Variants in LYPLA1 observed in about 807,000 individuals in gnomAD.
LYPLA1 encodes acyl-protein thioesterase 1.
In LYPLA1, 17 loss-of-function variants were observed where a neutral mutation model predicts 34.0. That is an observed-to-expected ratio of 0.50 (90% CI 0.34 to 0.75). The LOEUF (loss-of-function observed/expected upper bound fraction) is 0.75. LYPLA1 is among the 30% of genes least tolerant of loss of function. The pLI is 0.01. For missense variants in LYPLA1, 203 were observed against 288.8 expected (o/e 0.70, Z 2.15); for synonymous variants, 98 against 100.8 (o/e 0.97, Z 0.17).
intron 3 of LYPLA1, among the ~76,000 whole-genome samples, 196 bp downstream of exon 3, chr8:54,065,552 C>T (rs564750208): frequency 1.7e-5 from 2 of 121,096 alleles, no homozygotes; most frequent in South Asian, 2.8e-4. Flanking sequence ...AATTGCTTAA[C>T]GAAAGAGAAA....
rs760476706 is a variant in LYPLA1 at position 54,084,141 on chromosome 8, A to AATATATATATATATATATATAT, written c.101+16745_101+16766dup. Among the ~76,000 whole-genome samples, 5 of 118,602 alleles carry AATATATATATATATATATATAT rather than the reference A, an allele frequency of 4.2e-5. No individual in the cohort carries two copies. In the South Asian group the frequency reaches 7.4e-4, roughly 18 times the overall value. 77.8% of individuals were successfully genotyped at this position (118,602 alleles called of 152,430 possible). A position where few individuals can be genotyped will look rare whatever the true frequency, so the allele number is the denominator to read the frequency against. On this transcript the variant is annotated intron_variant, in intron 2 of 8. Coordinates refer to ENST00000316963, the MANE Select transcript of LYPLA1 (RefSeq NM_006330.4). Reference sequence around the variant, plus strand: ...AGACCAAAGAAAAAAAAAATAAATAAATATATATATATATATATATATAAA... The same window carrying AATATATATATATATATATATAT: ...AGACCAAAGAAAAAAAAAATAAATAAATATATATATATATATATATATATATATATATATATATATATATAAA...
chr8:54,068,110 T>C (rs1404501576), intron 2 of LYPLA1, among the ~76,000 whole-genome samples: 9 of 152,198 alleles, frequency 5.9e-5, no homozygotes, highest in Non-Finnish European at 1.0e-4. Flanking sequence ...ACATTAACTA[T>C]AACCAGGATA....
At position 54,086,555 on chromosome 8, in the gene LYPLA1, CAAA is replaced by C. The variant is rs1220626412; in HGVS notation, c.101+14350_101+14352del. On this transcript the variant is annotated intron_variant, in intron 2 of 8. Coordinates refer to ENST00000316963, the MANE Select transcript of LYPLA1 (RefSeq NM_006330.4). ...CTCTGACATCAAAACCAAAGGGTAC[CAAA>C]AAAAAAAAAAAAAAAAAAAAGACAG... 2.8e-3 allele frequency among the ~76,000 whole-genome samples: 178 copies of C among 64,562 alleles called. 1 individual carries two copies. The highest frequency in any genetic ancestry group is 8.5e-3 in the African/African-American group (143 of 16,886). 42.4% of individuals were successfully genotyped at this position (64,562 alleles called of 152,430 possible).
chr8:54,101,573 ACCCCCCGGCTG>A, intron 1 of LYPLA1, 171 bp downstream of exon 1: 1 of 1,150,560 alleles, frequency 8.7e-7, no homozygotes. Flanking sequence ...GCCGGCTGTG[ACCCCCCGGCTG>A]CCCCCGCCCC....
Position 54,085,853 on chromosome 8 carries a change from TGG to T in LYPLA1, c.101+15053_101+15054del, listed in dbSNP as rs1217130245. On this transcript the variant is annotated intron_variant, in intron 2 of 8. Coordinates refer to ENST00000316963, the MANE Select transcript of LYPLA1 (RefSeq NM_006330.4). ...CCGGCCAGCCGCCCCGTCCGCGAGG[TGG>T]GGGGGGCGCCTCTGCCCAGCCGCCC... Among the ~76,000 whole-genome samples, 334 of 131,178 alleles carry T rather than the reference TGG, an allele frequency of 2.5e-3. 4 individuals carry two copies. Among genetic ancestry groups the T allele is most frequent in the Non-Finnish European group, 3.2e-3 (193 of 60,280 alleles). 86.1% of individuals were successfully genotyped at this position (131,178 alleles called of 152,430 possible).
At position 54,052,380 on chromosome 8, in the gene LYPLA1, G is replaced by A. The variant is rs191933291; in HGVS notation, c.462+275C>T. On this transcript the variant is annotated intron_variant, in intron 7 of 8. Coordinates refer to ENST00000316963, the MANE Select transcript of LYPLA1 (RefSeq NM_006330.4). Reference sequence around the variant, plus strand: ...AAAAGGATGAGTGCTGTAAGTGGAGGACTTGGTGATGGTGATGTGTCAGTG... The same window carrying A: ...AAAAGGATGAGTGCTGTAAGTGGAGAACTTGGTGATGGTGATGTGTCAGTG... 3.3e-5 allele frequency among the ~76,000 whole-genome samples: 5 copies of A among 152,080 alleles called. No individual in the cohort carries two copies. The East Asian group carries it at 9.7e-4, about 29-fold the overall frequency.
At chr8:54,058,557 A>C (rs537864685) in intron 5 of LYPLA1, among the ~76,000 whole-genome samples, 2 of 152,032 alleles carry the variant, frequency 1.3e-5, no homozygotes, top group South Asian at 4.2e-4. Flanking sequence ...AACAAACAAA[A>C]AAAAACCAGA....
chr8:54,091,524 GAAAAGAA>G (rs1406963440), intron 2 of LYPLA1, among the ~76,000 whole-genome samples: 1 of 82,074 alleles, frequency 1.2e-5, no homozygotes, highest in African/African-American at 9.7e-5. Context: ...GAAAGAAAAA[GAAAAGAA>G]AAAAGAAAAG....
At chr8:54,097,125 A>G (rs1414756371) in intron 2 of LYPLA1, among the ~76,000 whole-genome samples, 1 of 152,208 alleles carries the variant, frequency 6.6e-6, no homozygotes, top group Non-Finnish European at 1.5e-5. Flanking sequence ...ATAGTCACAA[A>G]GTATCCCCCC....
intron 2 of LYPLA1, among the ~76,000 whole-genome samples, chr8:54,091,225 T>C (rs868815979): frequency 2.6e-5 from 4 of 152,174 alleles, no homozygotes; most frequent in Admixed American, 2.0e-4. Context: ...TGGTGGCTCA[T>C]GCCTGTAATC....
Position 54,095,525 on chromosome 8 carries a change from ATATGT to A in LYPLA1, c.101+5378_101+5382del, listed in dbSNP as rs1389643790. On this transcript the variant is annotated intron_variant, in intron 2 of 8. Coordinates refer to ENST00000316963, the MANE Select transcript of LYPLA1 (RefSeq NM_006330.4). Reference sequence around the variant, plus strand: ...ACATATTCAATATTTTAAATATTTCATATGTTATATTTATTATTTTAATGTGGAGA... The same window carrying A: ...ACATATTCAATATTTTAAATATTTCATATATTTATTATTTTAATGTGGAGA... 3.3e-5 allele frequency among the ~76,000 whole-genome samples: 5 copies of A among 152,152 alleles called. No homozygotes were observed. In the South Asian group the frequency reaches 6.2e-4, roughly 19 times the overall value.
At chr8:54,063,257 C>A (rs1363556394) in intron 4 of LYPLA1, 71 bp downstream of exon 4, 13 of 1,002,406 alleles carry the variant, frequency 1.3e-5, no homozygotes, top group Non-Finnish European at 1.9e-5. Context: ...AACTGCTGTA[C>A]ACAAAAGCAT....
chr8:54,076,535 C>T (rs956437328), intron 2 of LYPLA1, among the ~76,000 whole-genome samples: 5 of 151,776 alleles, frequency 3.3e-5, no homozygotes, highest in Middle Eastern at 3.2e-3. Context: ...CAAGCCCCCC[C>T]GAAATCTGGC....
chr8:54,056,053 T>A (rs755811111), intron 5 of LYPLA1, among the ~76,000 whole-genome samples: 25 of 152,254 alleles, frequency 1.6e-4, no homozygotes, highest in Non-Finnish European at 3.2e-4. Flanking sequence ...ACTACAGAGC[T>A]ATAGTAACCA....
intron 2 of LYPLA1, among the ~76,000 whole-genome samples, chr8:54,089,586 T>G (rs1809068229): frequency 6.6e-6 from 1 of 150,724 alleles, no homozygotes; most frequent in African/African-American, 2.4e-5. Flanking sequence ...AATAAGTAAG[T>G]GGCAGGCCAG....
intron 2 of LYPLA1, among the ~76,000 whole-genome samples, chr8:54,079,275 C>T (rs578123747): frequency 6.6e-6 from 1 of 152,140 alleles, no homozygotes; most frequent in Non-Finnish European, 1.5e-5. Context: ...CCATCACGCC[C>T]GTCCAGTTTT....
intron 2 of LYPLA1, among the ~76,000 whole-genome samples, chr8:54,091,840 G>A (rs1259516078): frequency 2.0e-5 from 3 of 152,154 alleles, no homozygotes; most frequent in African/African-American, 7.2e-5. Flanking sequence ...TGTAATCCCA[G>A]CACTTTGGGA....
At chr8:54,086,437 TTAA>T (rs1808775172) in intron 2 of LYPLA1, among the ~76,000 whole-genome samples, 1 of 32,734 alleles carries the variant, frequency 3.1e-5, no homozygotes, top group African/African-American at 2.2e-4. Flanking sequence ...ACTAAAAAAA[TTAA>T]AAAAAAAAAA....
chr8:54,049,088 C>A (rs1265853944), intron 8 of LYPLA1, among the ~76,000 whole-genome samples: 1 of 152,212 alleles, frequency 6.6e-6, no homozygotes, highest in East Asian at 1.9e-4. Context: ...CTGTAATACT[C>A]TATATCAGTA....
Sources: gnomAD v4.1 joint callset for allele counts (sites outside exome capture counted in the v4.1 genomes callset) on GRCh38, gnomAD v4.1.1 for gene constraint, MANE v1.5 for transcripts, NCBI Gene and HGNC (gene_info 2026-07-23, HGNC 2026-07-21) for gene names.